Variants in WASHC3 observed in about 807,000 individuals in gnomAD.
The protein encoded by WASHC3 is WASH complex subunit CCDC53.
A neutral mutation model predicts 26.1 loss-of-function variants in WASHC3; 24 were observed. That is an observed-to-expected ratio of 0.92 (90% CI 0.66 to 1.29). WASHC3 has a LOEUF of 1.29. Ranked by LOEUF, WASHC3 falls within the 50% of genes most tolerant of loss-of-function variation. The pLI is 0.00. For missense variants in WASHC3, 214 were observed against 229.6 expected (o/e 0.93, Z 0.44); for synonymous variants, 77 against 75.7 (o/e 1.02, Z -0.09).
intron 5 of WASHC3, among the ~76,000 whole-genome samples, chr12:102,030,185 C>G (rs2121366721): frequency 1.3e-5 from 2 of 151,534 alleles, no homozygotes; most frequent in South Asian, 4.2e-4. Flanking sequence ...ATCCCAGCTA[C>G]TCAGGAGGCT....
At chr12:102,052,189 TAAG>T (rs1361833871) in intron 2 of WASHC3, among the ~76,000 whole-genome samples, 1 of 151,992 alleles carries the variant, frequency 6.6e-6, no homozygotes, top group Non-Finnish European at 1.5e-5. Context: ...CTGAAGAGGG[TAAG>T]AAGGACAGTT....
intron 6 of WASHC3, among the ~76,000 whole-genome samples, chr12:102,014,099 T>TTG (rs1876598127): frequency 7.3e-5 from 1 of 13,776 alleles, no homozygotes; most frequent in Admixed American, 5.9e-4. Context: ...TTTTTTTTTT[T>TTG]TGAGATGGAG....
At chr12:102,053,135 C>T (rs1195477112) in intron 2 of WASHC3, among the ~76,000 whole-genome samples, 1 of 152,016 alleles carries the variant, frequency 6.6e-6, no homozygotes, top group Non-Finnish European at 1.5e-5. Flanking sequence ...AGGCCCACCC[C>T]CACATACTCT....
At chr12:102,042,726 C>T (rs1877991837) in intron 4 of WASHC3, among the ~76,000 whole-genome samples, 1 of 152,184 alleles carries the variant, frequency 6.6e-6, no homozygotes, top group Admixed American at 6.5e-5. Context: ...TCATCACTGT[C>T]AACATCATCG....
intron 2 of WASHC3, among the ~76,000 whole-genome samples, chr12:102,060,682 G>T (rs965788534): frequency 6.6e-6 from 1 of 152,112 alleles, no homozygotes; most frequent in Non-Finnish European, 1.5e-5. Flanking sequence ...GAAGCCGGGC[G>T]CGGTGGCTCA....
intron 4 of WASHC3, among the ~76,000 whole-genome samples, chr12:102,041,966 AAC>A (rs1877956245): frequency 6.6e-6 from 1 of 152,098 alleles, no homozygotes; most frequent in Non-Finnish European, 1.5e-5. Flanking sequence ...TGTGAGGACA[AAC>A]ACAACTGCAT....
At chr12:102,047,017 C>T (rs749240213) in intron 2 of WASHC3, among the ~76,000 whole-genome samples, 1 of 152,076 alleles carries the variant, frequency 6.6e-6, no homozygotes, top group African/African-American at 2.4e-5. Context: ...TATCAAAATG[C>T]AAGATAAACC....
chr12:102,053,613 C>T (rs1167188795), intron 2 of WASHC3, among the ~76,000 whole-genome samples: 2 of 152,144 alleles, frequency 1.3e-5, no homozygotes, highest in African/African-American at 2.4e-5. Context: ...CCCTTCTTCA[C>T]AACGAATCCA....
At chr12:102,041,303 C>T (rs1305460994) in intron 4 of WASHC3, among the ~76,000 whole-genome samples, 2 of 151,938 alleles carry the variant, frequency 1.3e-5, no homozygotes, top group African/African-American at 2.4e-5. Flanking sequence ...AATTCTCAGT[C>T]GTTAACTTTT....
chr12:102,016,285 A>G (rs1017896759), intron 6 of WASHC3, among the ~76,000 whole-genome samples: 1 of 151,758 alleles, frequency 6.6e-6, no homozygotes, highest in Admixed American at 6.6e-5. Flanking sequence ...GCTCACTGCA[A>G]TCTCTACCTC....
intron 2 of WASHC3, among the ~76,000 whole-genome samples, chr12:102,049,324 GT>G (rs1386674106): frequency 6.6e-6 from 1 of 152,214 alleles, no homozygotes; most frequent in Non-Finnish European, 1.5e-5. Context: ...TATAACATAA[GT>G]AACATAATCG....
In WASHC3 at chr12:102,061,309, A is replaced by C; in HGVS notation, c.89T>G (p.Leu30Arg). 1 of 1,613,974 alleles carries C rather than the reference A, an allele frequency of 6.2e-7. No homozygotes were observed. Among genetic ancestry groups the C allele is most frequent in the South Asian group, 1.1e-5 (1 of 91,052 alleles). ...TACAGTGTGCACCACAAATTGGTTT[A>C]GAAAAGCCACCGTTCTTTTCTGTTG... ...AIQQKRTVAF[L>R]NQFVVHTVQF... Residue 30 changes from leucine (L) to arginine (R), a missense_variant, in exon 2 of 7, where the codon CTA (leucine) becomes CGA (arginine). Transcript: ENST00000240079.
At chr12:102,020,421 CT>C (rs1876902583) in intron 6 of WASHC3, among the ~76,000 whole-genome samples, 1 of 152,130 alleles carries the variant, frequency 6.6e-6, no homozygotes, top group African/African-American at 2.4e-5. Flanking sequence ...GAGTTGGTTT[CT>C]GCCATCCTAA....
In WASHC3 at chr12:102,060,736, G is replaced by A. The variant is rs140616960; in HGVS notation, c.150+512C>T. 7.2e-3 allele frequency among the ~76,000 whole-genome samples: 1,089 copies of A among 152,054 alleles called. 9 individuals carry two copies. The highest frequency in any genetic ancestry group is 0.025 in the African/African-American group (1,040 of 41,494). On this transcript the variant is annotated intron_variant, in intron 2 of 6. Transcript: ENST00000240079. Reference sequence around the variant, plus strand: ...TTTGGGAGGCCGAGGCTAGTGGATCGCCCAAGGTCAGGAATTCGAGACCAG... The same window carrying A: ...TTTGGGAGGCCGAGGCTAGTGGATCACCCAAGGTCAGGAATTCGAGACCAG...
intron 2 of WASHC3, among the ~76,000 whole-genome samples, chr12:102,060,806 T>C (rs1878773233): frequency 6.6e-6 from 1 of 151,592 alleles, no homozygotes; most frequent in Non-Finnish European, 1.5e-5. Context: ...ATATAAAAAA[T>C]TAGCCAGGCA....
At chr12:102,056,248 T>C (rs73183999) in intron 2 of WASHC3, among the ~76,000 whole-genome samples, 6,354 of 152,318 alleles carry the variant, frequency 0.042, 203 homozygotes, top group African/African-American at 0.08. Flanking sequence ...TAGTAAAATA[T>C]GAAGCTACCT....
At chr12:102,035,040 C>G (rs1877597190) in intron 5 of WASHC3, among the ~76,000 whole-genome samples, 1 of 151,960 alleles carries the variant, frequency 6.6e-6, no homozygotes, top group Non-Finnish European at 1.5e-5. Flanking sequence ...TAAAAGAAGG[C>G]AGAAATTTTA....
chr12:102,044,932 T>C (rs1400859718), intron 3 of WASHC3, among the ~76,000 whole-genome samples: 1 of 152,142 alleles, frequency 6.6e-6, no homozygotes, highest in Non-Finnish European at 1.5e-5. Flanking sequence ...TTGTCGATGT[T>C]TGGCTAACTT....
chr12:102,050,138 C>G (rs923291880), intron 2 of WASHC3: 4 of 327,604 alleles, frequency 1.2e-5, no homozygotes, highest in Non-Finnish European at 2.4e-5. Context: ...CATAGGGAAA[C>G]CCTGTCTCTA....
Sources: gnomAD v4.1 joint callset for allele counts (sites outside exome capture counted in the v4.1 genomes callset) on GRCh38, gnomAD v4.1.1 for gene constraint, MANE v1.5 for transcripts, NCBI Gene and HGNC (gene_info 2026-07-23, HGNC 2026-07-21) for gene names.